Variants in CDK14 observed in about 807,000 individuals in gnomAD.
The protein encoded by CDK14 is cyclin-dependent kinase 14.
In CDK14, 34 loss-of-function variants were observed where a neutral mutation model predicts 60.7. The observed-to-expected ratio is 0.56, with a 90% CI of 0.43 to 0.75. The LOEUF is 0.75. Among genes scored for constraint, CDK14 ranks in the 30% least tolerant of loss-of-function variants. CDK14 has a pLI of 0.00. For synonymous variants in CDK14, 197 were observed against 203.7 expected, an observed-to-expected ratio of 0.97 and a Z score of 0.28; for missense variants, 482 against 564.1, an observed-to-expected ratio of 0.85 and a Z score of 1.47.
chr7:90,724,691 C>T (rs373438030), intron 2 of CDK14, among the ~76,000 whole-genome samples: 15 of 151,892 alleles, frequency 9.9e-5, no homozygotes, highest in African/African-American at 3.6e-4. Context: ...ATTTAGTCAT[C>T]AACTATTTTC....
At chr7:90,640,236 G>A (rs530778377) in intron 2 of CDK14, among the ~76,000 whole-genome samples, 14 of 152,162 alleles carry the variant, frequency 9.2e-5, no homozygotes, top group Middle Eastern at 3.4e-3. Context: ...GCTGTAGACC[G>A]GAGCTGTTCC....
intron 5 of CDK14, among the ~76,000 whole-genome samples, chr7:90,854,650 C>T (rs1030233040): frequency 1.3e-5 from 2 of 150,552 alleles, no homozygotes; most frequent in Non-Finnish European, 2.9e-5. Flanking sequence ...CGAAACCACT[C>T]ATCTTTTTTT....
intron 12 of CDK14, among the ~76,000 whole-genome samples, chr7:91,096,065 C>CAAAAAAAAAAA (rs112016367): frequency 6.2e-5 from 4 of 64,552 alleles, no homozygotes; most frequent in Non-Finnish European, 8.0e-5. Context: ...CACAATTTGC[C>CAAAAAAAAAAA]AAAAAAAAAA....
chr7:90,875,545 T>G (rs912715943), intron 6 of CDK14, among the ~76,000 whole-genome samples: 1 of 152,200 alleles, frequency 6.6e-6, no homozygotes, highest in Non-Finnish European at 1.5e-5. Context: ...TTTTATTATA[T>G]TGGATGTTTA....
intron 14 of CDK14, among the ~76,000 whole-genome samples, chr7:91,198,545 GTATT>G (rs1802623234): frequency 6.6e-6 from 1 of 152,170 alleles, no homozygotes; most frequent in Admixed American, 6.5e-5. Flanking sequence ...TGCATGCACT[GTATT>G]TATGTATCTT....
intron 14 of CDK14, among the ~76,000 whole-genome samples, chr7:91,133,840 C>T (rs185142316): frequency 6.6e-6 from 1 of 152,094 alleles, no homozygotes; most frequent in Non-Finnish European, 1.5e-5. Context: ...CTCTGTAGAT[C>T]TATGTTGAAG....
rs558269399 is a variant in CDK14, at chr7:91,187,852, T to C, written c.*29-19313T>C. Among the ~76,000 whole-genome samples, 344 of 152,356 alleles carry C rather than the reference T, an allele frequency of 2.3e-3. 2 individuals are homozygous for C. Among genetic ancestry groups the C allele is most frequent in the Non-Finnish European group, 1.9e-3 (126 of 68,026 alleles). On this transcript the variant is annotated intron_variant, in intron 14 of 14. Transcript: ENST00000380050. ...TGGTCACCCCACCATAATCTTATTA[T>C]GCAAATGGAGTCTTTGCCTGGCCTG...
chr7:90,638,826 G>A (rs1034824538), intron 2 of CDK14, among the ~76,000 whole-genome samples: 86 of 151,526 alleles, frequency 5.7e-4, no homozygotes, highest in African/African-American at 1.7e-3. Context: ...GGCTTTGTTC[G>A]TTTCTTTTTA....
intron 4 of CDK14, among the ~76,000 whole-genome samples, chr7:90,756,033 T>C (rs187117570): frequency 6.6e-6 from 1 of 152,230 alleles, no homozygotes; most frequent in Non-Finnish European, 1.5e-5. Context: ...ATCTTGCCTA[T>C]GTTCACACAG....
chr7:91,187,821 G>A (rs1354468527), intron 14 of CDK14, among the ~76,000 whole-genome samples: 1 of 152,202 alleles, frequency 6.6e-6, no homozygotes, highest in Admixed American at 6.5e-5. Flanking sequence ...AGTGCATGGG[G>A]AAGACTGGTC....
In CDK14 at chr7:91,113,159, T is replaced by G. The variant is rs182954853; in HGVS notation, c.1294+478T>G. Among the ~76,000 whole-genome samples, 261 of 152,362 alleles carry G rather than the reference T, an allele frequency of 1.7e-3. 1 individual carries two copies. The highest frequency in any genetic ancestry group is 3.3e-3 in the Non-Finnish European group (224 of 68,032). Reference sequence around the variant, plus strand: ...GAGCCGATGATTCATTTCTGTTTGATTCTCAGAGACCATCTTGGTTGTAAC... The same window carrying G: ...GAGCCGATGATTCATTTCTGTTTGAGTCTCAGAGACCATCTTGGTTGTAAC... On this transcript the variant is annotated intron_variant, in intron 13 of 14. Transcript: ENST00000380050.
At chr7:90,758,932 T>TA in intron 4 of CDK14, among the ~76,000 whole-genome samples, 1 of 151,878 alleles carries the variant, frequency 6.6e-6, no homozygotes, top group Non-Finnish European at 1.5e-5. Flanking sequence ...GGCATGCACT[T>TA]ACAATCCCAG....
Position 90,645,417 on chromosome 7 carries a change from CT to C in CDK14, c.123+41176del, listed in dbSNP as rs925668521. Among the ~76,000 whole-genome samples, 25 of 151,766 alleles carry C rather than the reference CT, an allele frequency of 1.6e-4. No individual in the cohort carries two copies. In the East Asian group the frequency reaches 1.9e-3, roughly 12 times the overall value. ...TCTAAAGAGACTTGTTAGTTTTATC[CT>C]TTTTTTTCCCCCGTAACTCAAAAGC... On this transcript the variant is annotated intron_variant, in intron 2 of 14. Coordinates refer to ENST00000380050, the MANE Select transcript of CDK14 (RefSeq NM_001287135.2).
At chr7:91,021,007 C>T (rs923577850) in intron 10 of CDK14, among the ~76,000 whole-genome samples, 7 of 152,154 alleles carry the variant, frequency 4.6e-5, no homozygotes, top group African/African-American at 9.7e-5. Context: ...CTGGAAGTGC[C>T]GTAGTTTCTT....
chr7:91,077,591 A>G (rs1336387397), intron 11 of CDK14, among the ~76,000 whole-genome samples: 3 of 152,246 alleles, frequency 2.0e-5, no homozygotes, highest in South Asian at 4.2e-4. Context: ...GCAAACCACC[A>G]TGGCACAAGT....
intron 11 of CDK14, among the ~76,000 whole-genome samples, chr7:91,050,921 T>C (rs1385903032): frequency 2.6e-5 from 4 of 152,186 alleles, no homozygotes; most frequent in Non-Finnish European, 5.9e-5. Flanking sequence ...TGGGTCTTAG[T>C]TGAGTGTGCT....
chr7:90,640,073 G>T (rs1264467177), intron 2 of CDK14, among the ~76,000 whole-genome samples: 1 of 152,108 alleles, frequency 6.6e-6, no homozygotes, highest in Admixed American at 6.5e-5. Flanking sequence ...TGTGCTTCCC[G>T]AGTGAGGCAG....
chr7:90,885,855 G>A (rs576901863), intron 6 of CDK14, among the ~76,000 whole-genome samples: 1 of 152,234 alleles, frequency 6.6e-6, no homozygotes, highest in South Asian at 2.1e-4. Context: ...AGTGGGAGTT[G>A]AACATTGAGA....
chr7:91,045,591 C>T (rs1797209485), intron 10 of CDK14, among the ~76,000 whole-genome samples: 1 of 152,142 alleles, frequency 6.6e-6, no homozygotes, highest in Non-Finnish European at 1.5e-5. Context: ...AAACTTCATT[C>T]AGCAGCATGA....
Sources: gnomAD v4.1 joint callset for allele counts (sites outside exome capture counted in the v4.1 genomes callset) on GRCh38, gnomAD v4.1.1 for gene constraint, MANE v1.5 for transcripts, NCBI Gene and HGNC (gene_info 2026-07-23, HGNC 2026-07-21) for gene names.